Variants in SH3YL1 observed in about 807,000 individuals in gnomAD.
SH3YL1 encodes the protein SH3 domain-containing YSC84-like protein 1.
In SH3YL1, 41 loss-of-function variants were observed where a neutral mutation model predicts 45.8. That is an observed-to-expected ratio of 0.89 (90% CI 0.70 to 1.16). SH3YL1 has a LOEUF of 1.16. Among genes scored for constraint, SH3YL1 ranks in the 50% most tolerant of loss-of-function variants. The pLI is 0.00. For missense variants in SH3YL1, 389 were observed against 409.6 expected, an observed-to-expected ratio of 0.95 and a Z score of 0.43; for synonymous variants, 152 against 151.4, an observed-to-expected ratio of 1.00 and a Z score of -0.03.
intron 4 of SH3YL1, chr2:240,249 T>A (rs908590663): frequency 5.2e-5 from 8 of 152,434 alleles, no homozygotes; most frequent in African/African-American, 1.9e-4. Context: ...CAAGCCAAGC[T>A]ACTACACCAC....
chr2:224,939 G>C lies in SH3YL1; in HGVS notation c.782-19C>G. ...CTGTTACCTGCCAAAAAAGAGGAGA[G>C]TGGTGATTTTGAAAACTGATTAGTA... On this transcript the variant is annotated intron_variant, in intron 8 of 9. Coordinates refer to ENST00000356150, the MANE Select transcript of SH3YL1 (RefSeq NM_015677.4). 1 of 1,603,810 alleles carries C rather than the reference G, an allele frequency of 6.2e-7. No individual in the cohort carries two copies. Among genetic ancestry groups the C allele is most frequent in the Non-Finnish European group, 8.5e-7 (1 of 1,170,768 alleles).
intron 2 of SH3YL1, 94 bp downstream of exon 2, chr2:252,911 G>T (rs1419826237): frequency 1.4e-5 from 10 of 712,866 alleles, no homozygotes; most frequent in Non-Finnish European, 2.3e-5. Flanking sequence ...GGCATTGATG[G>T]AGGCTTCTGC....
chr2:259,031 C>T (rs1355535175), intron 1 of SH3YL1, among the ~76,000 whole-genome samples: 11 of 152,194 alleles, frequency 7.2e-5, no homozygotes, highest in Admixed American at 7.2e-4. Context: ...GGAGCCTGGG[C>T]TCTGGGTGCC....
chr2:246,012 A>G (rs1045803476), intron 4 of SH3YL1, among the ~76,000 whole-genome samples: 9 of 152,136 alleles, frequency 5.9e-5, no homozygotes, highest in Admixed American at 2.0e-4. Context: ...CCTGACCAAC[A>G]TGGTGAAACC....
intron 4 of SH3YL1, chr2:243,517 G>A: frequency 6.5e-7 from 1 of 1,540,852 alleles, no homozygotes; most frequent in Non-Finnish European, 8.7e-7. Context: ...ACTTATGGAA[G>A]GCAGCCAGGG....
intron 5 of SH3YL1, among the ~76,000 whole-genome samples, chr2:233,830 T>C (rs1668165505): frequency 6.6e-6 from 1 of 152,218 alleles, no homozygotes; most frequent in Admixed American, 6.5e-5. Flanking sequence ...CTTTCTTTCC[T>C]AATCGAAGCT....
In SH3YL1 at chr2:249,716, C is replaced by G. The variant is rs1167121382; in HGVS notation, c.226+15G>C. 7 of 1,530,730 alleles carry G rather than the reference C, an allele frequency of 4.6e-6. No individual in the cohort carries two copies. In the Admixed American group the frequency reaches 5.9e-5, roughly 13 times the overall value. 94.8% of individuals were successfully genotyped at this position (1,530,730 alleles called of 1,614,324 possible). A position where few individuals can be genotyped will look rare whatever the true frequency, so the allele number is the denominator to read the frequency against. ...AATGAAGACTCTCTACTCCAGTGAA[C>G]AGACGCCAACTTACTTCCATCTGGA... On this transcript the variant is annotated intron_variant, in intron 3 of 9. Coordinates refer to ENST00000356150, the MANE Select transcript of SH3YL1 (RefSeq NM_015677.4).
At chr2:243,915 G>A (rs949153737) in intron 4 of SH3YL1, among the ~76,000 whole-genome samples, 2 of 152,184 alleles carry the variant, frequency 1.3e-5, no homozygotes, top group African/African-American at 4.8e-5. Context: ...AGTGAGGTGG[G>A]CTTTACCACC....
At chr2:221,711 C>T (rs983740748) in intron 9 of SH3YL1, among the ~76,000 whole-genome samples, 1 of 152,130 alleles carries the variant, frequency 6.6e-6, no homozygotes, top group African/African-American at 2.4e-5. Flanking sequence ...CCCAATTGAC[C>T]ACAAATGCCT....
At chr2:248,630 G>A (rs549257590) in intron 3 of SH3YL1, among the ~76,000 whole-genome samples, 3 of 152,254 alleles carry the variant, frequency 2.0e-5, no homozygotes, top group South Asian at 2.1e-4. Context: ...CCAGGGCTTG[G>A]TATTGACTGT....
chr2:233,665 T>C (rs777603771), intron 5 of SH3YL1, among the ~76,000 whole-genome samples: 22 of 152,324 alleles, frequency 1.4e-4, no homozygotes, highest in African/African-American at 5.3e-4. Context: ...GTAACTTCTA[T>C]AAATAGTGTG....
At chr2:249,087 T>C (rs1162905905) in intron 3 of SH3YL1, among the ~76,000 whole-genome samples, 1 of 152,162 alleles carries the variant, frequency 6.6e-6, no homozygotes, top group East Asian at 1.9e-4. Flanking sequence ...GAACAGCAAA[T>C]GTTAAATTGG....
chr2:251,624 T>C (rs1251139227), intron 2 of SH3YL1, among the ~76,000 whole-genome samples: 1 of 152,206 alleles, frequency 6.6e-6, no homozygotes, highest in Non-Finnish European at 1.5e-5. Context: ...AACTAGTGTG[T>C]GTGTGCACCT....
At chr2:230,941 A>G in intron 7 of SH3YL1, 82 bp downstream of exon 7, 3 of 1,392,916 alleles carry the variant, frequency 2.2e-6, no homozygotes, top group Non-Finnish European at 1.0e-6. Flanking sequence ...GTAGGTTCTT[A>G]GGAACCTGAT....
At chr2:247,700 T>G in intron 3 of SH3YL1, 98 bp from the exon 4 acceptor site, 1 of 829,464 alleles carries the variant, frequency 1.2e-6, no homozygotes, top group East Asian at 2.7e-5. Flanking sequence ...GTGCTTCTAT[T>G]GAAAATAATG....
At chr2:247,649 G>C in intron 3 of SH3YL1, 47 bp from the exon 4 acceptor site, 1 of 1,438,594 alleles carries the variant, frequency 7.0e-7, no homozygotes, top group South Asian at 1.3e-5. Flanking sequence ...AAACACCCTC[G>C]ACATGTAAAT....
intron 2 of SH3YL1, 23 bp downstream of exon 2, chr2:252,982 C>T: frequency 7.4e-7 from 1 of 1,350,390 alleles, no homozygotes. Flanking sequence ...TAGAGACAAA[C>T]AGCACTCATC....
intron 2 of SH3YL1, among the ~76,000 whole-genome samples, chr2:251,657 C>T (rs1669075840): frequency 1.3e-5 from 2 of 152,170 alleles, no homozygotes; most frequent in Non-Finnish European, 2.9e-5. Flanking sequence ...GGGAGGAATG[C>T]AGACTGATTT....
intron 8 of SH3YL1, among the ~76,000 whole-genome samples, chr2:225,317 C>T (rs536738798): frequency 1.6e-4 from 25 of 152,370 alleles, no homozygotes; most frequent in African/African-American, 5.0e-4. Context: ...CCCGTTCTGA[C>T]GCTCTGGGGT....
Sources: gnomAD v4.1 joint callset for allele counts (sites outside exome capture counted in the v4.1 genomes callset) on GRCh38, gnomAD v4.1.1 for gene constraint, MANE v1.5 for transcripts, NCBI Gene and HGNC (gene_info 2026-07-23, HGNC 2026-07-21) for gene names.